Variants in RXFP2 observed in about 807,000 individuals in gnomAD.
The protein encoded by RXFP2 is relaxin receptor 2.
Under a neutral mutation model 88.6 loss-of-function variants are expected in RXFP2, and 68 were observed. That is an observed-to-expected ratio of 0.77 (90% CI 0.63 to 0.94). The LOEUF (loss-of-function observed/expected upper bound fraction) is 0.94, where lower values mean the gene tolerates loss of function less well. Ranked by LOEUF, RXFP2 falls within the 40% of genes least tolerant of loss-of-function variation. RXFP2 has a pLI of 0.00. For missense variants in RXFP2, 791 were observed against 893.9 expected (o/e 0.88, Z 1.47); for synonymous variants, 329 against 306.8 (o/e 1.07, Z -0.76).
Position 31,781,677 on chromosome 13 carries a change from G to A in RXFP2, c.792G>A (p.Leu264=), listed in dbSNP as rs150072413. 1,596 of 1,608,992 alleles carry A rather than the reference G, an allele frequency of 9.9e-4. 1 individual carries two copies. Among genetic ancestry groups the A allele is most frequent in the Admixed American group, 1.3e-3 (76 of 59,926 alleles). Reference sequence around the variant, plus strand: ...TTTCCTCCATGACTTCCAGGGATTTGGAAGGCAATAGAATAAAGTATCTCA... The same window carrying A: ...TTTCCTCCATGACTTCCAGGGATTTAGAAGGCAATAGAATAAAGTATCTCA... The part of the protein sequence containing the change: ...AQMPQLNWVD[L]EGNRIKYLTN... The change falls in exon 10 of 18, where the codon TTG becomes TTA. Residue 264 remains leucine (L), a synonymous_variant. Coordinates refer to ENST00000298386, the MANE Select transcript of RXFP2 (RefSeq NM_130806.5).
intron 9 of RXFP2, 116 bp downstream of exon 9, chr13:31,778,699 C>G: frequency 1.2e-6 from 1 of 828,178 alleles, no homozygotes; most frequent in South Asian, 1.3e-5. Flanking sequence ...AAATCAAAAT[C>G]TGATCATATT....
rs1298791143 is a variant in RXFP2 at position 31,776,100 on chromosome 13, T to C, written c.641+711T>C. Among the ~76,000 whole-genome samples, 398 of 59,692 alleles carry C rather than the reference T, an allele frequency of 6.7e-3. 5 individuals carry two copies. The highest frequency in any genetic ancestry group is 0.022 in the African/African-American group (335 of 15,204). 39.2% of individuals were successfully genotyped at this position (59,692 alleles called of 152,430 possible). A position where few individuals can be genotyped will look rare whatever the true frequency, so the allele number is the denominator to read the frequency against. On this transcript the variant is annotated intron_variant, in intron 7 of 17. Transcript: ENST00000298386. ...TCTTTCCTTCCTTCTTTCTTTCTTT[T>C]CTTTTCTTTCTTTCTTTCTTTCTTT...
At chr13:31,776,588 C>T (rs1372861836) in intron 7 of RXFP2, among the ~76,000 whole-genome samples, 1 of 152,062 alleles carries the variant, frequency 6.6e-6, no homozygotes, top group Non-Finnish European at 1.5e-5. Context: ...TCCTAGACCT[C>T]TTTATTTTCA....
At chr13:31,782,571 A>G in intron 10 of RXFP2, 105 bp from the exon 11 acceptor site, 1 of 857,354 alleles carries the variant, frequency 1.2e-6, no homozygotes, top group Admixed American at 1.7e-5. Flanking sequence ...TGAAGACTTC[A>G]AAGGAGGCTT....
intron 17 of RXFP2, among the ~76,000 whole-genome samples, chr13:31,801,609 C>T (rs1333159613): frequency 6.6e-6 from 1 of 152,152 alleles, no homozygotes; most frequent in Non-Finnish European, 1.5e-5. Flanking sequence ...ATTTGTAGGG[C>T]TGCACACAAG....
At chr13:31,755,890 A>G (rs1408529590) in intron 1 of RXFP2, among the ~76,000 whole-genome samples, 1 of 152,150 alleles carries the variant, frequency 6.6e-6, no homozygotes, top group Admixed American at 6.5e-5. Context: ...AAGCATCCAA[A>G]AGCCACGCTC....
At chr13:31,740,962 C>T (rs1871206476) in intron 1 of RXFP2, among the ~76,000 whole-genome samples, 2 of 151,996 alleles carry the variant, frequency 1.3e-5, no homozygotes, top group South Asian at 2.1e-4. Context: ...TATACAGCTA[C>T]AAAGCAGGTT....
chr13:31,764,225 C>T (rs1346289180), intron 3 of RXFP2, among the ~76,000 whole-genome samples: 2 of 146,166 alleles, frequency 1.4e-5, no homozygotes, highest in African/African-American at 2.5e-5. Context: ...CCTCTGCCCT[C>T]GTCTGTCTCT....
chr13:31,753,118 A>G (rs1157105724), intron 1 of RXFP2, among the ~76,000 whole-genome samples: 1 of 152,182 alleles, frequency 6.6e-6, no homozygotes, highest in Non-Finnish European at 1.5e-5. Flanking sequence ...GAGCCAGAAC[A>G]TCTGGCTGAG....
In RXFP2 at chr13:31,791,886, T is replaced by C; in HGVS notation, c.1226T>C (p.Phe409Ser). ...CMPLTDGISS[F>S]EDLLANNILR... ...CCCTTGACGGACGGCATTTCTTCAT[T>C]TGAGGACCTCTTGGCTAACAATATC... The change falls in exon 15 of 18, where the codon TTT becomes TCT. Residue 409 changes from phenylalanine to serine, a missense_variant. Transcript: ENST00000298386. The C allele has an allele frequency of 1.9e-6, 3 of 1,614,194 alleles. No individual in the cohort carries two copies. Among genetic ancestry groups the C allele is most frequent in the Non-Finnish European group, 2.5e-6 (3 of 1,180,014 alleles).
intron 1 of RXFP2, among the ~76,000 whole-genome samples, chr13:31,744,548 T>A (rs1056851984): frequency 2.0e-5 from 3 of 152,210 alleles, no homozygotes; most frequent in African/African-American, 7.2e-5. Context: ...CCTCTACAGA[T>A]CACCAACTGT....
chr13:31,751,762 C>G (rs960880233), intron 1 of RXFP2, among the ~76,000 whole-genome samples: 1 of 152,162 alleles, frequency 6.6e-6, no homozygotes, highest in Non-Finnish European at 1.5e-5. Context: ...ATCGGGCTTC[C>G]CCTTGCCTGT....
At chr13:31,756,402 G>A (rs1159609829) in intron 1 of RXFP2, among the ~76,000 whole-genome samples, 1 of 152,156 alleles carries the variant, frequency 6.6e-6, no homozygotes, top group Non-Finnish European at 1.5e-5. Flanking sequence ...CAAAGTAGAT[G>A]ATGTTCCTAC....
At chr13:31,791,617 C>G (rs528426208) in intron 14 of RXFP2, among the ~76,000 whole-genome samples, 189 bp from the exon 15 acceptor site, 1 of 152,266 alleles carries the variant, frequency 6.6e-6, no homozygotes, top group South Asian at 2.1e-4. Context: ...TCTTTAGGTT[C>G]CTCATCTTTA....
intron 1 of RXFP2, among the ~76,000 whole-genome samples, chr13:31,756,213 T>C (rs555792028): frequency 6.6e-6 from 1 of 152,318 alleles, no homozygotes; most frequent in East Asian, 1.9e-4. Context: ...CCTGAGGGGC[T>C]TCTCTACAAG....
At chr13:31,768,308 C>A (rs1024191218) in intron 5 of RXFP2, among the ~76,000 whole-genome samples, 2 of 152,174 alleles carry the variant, frequency 1.3e-5, no homozygotes, top group Non-Finnish European at 2.9e-5. Flanking sequence ...AGACTCTCAT[C>A]AATAAACATT....
At chr13:31,783,218 A>G (rs1873370548) in intron 11 of RXFP2, among the ~76,000 whole-genome samples, 1 of 152,218 alleles carries the variant, frequency 6.6e-6, no homozygotes, top group South Asian at 2.1e-4. Flanking sequence ...AATGCTGAGA[A>G]TGAGGGTTAG....
chr13:31,759,580 G>A (rs1872201816), intron 2 of RXFP2, among the ~76,000 whole-genome samples: 1 of 151,950 alleles, frequency 6.6e-6, no homozygotes, highest in Non-Finnish European at 1.5e-5. Context: ...GTATACACAT[G>A]GAATGAAGGG....
chr13:31,763,897 TATA>T (rs1872420796), intron 3 of RXFP2, among the ~76,000 whole-genome samples: 1 of 152,212 alleles, frequency 6.6e-6, no homozygotes, highest in Non-Finnish European at 1.5e-5. Flanking sequence ...CTAATTAACA[TATA>T]TGTATAGACA....
Sources: allele counts gnomAD v4.1 joint callset (sites outside exome capture counted in the v4.1 genomes callset), GRCh38; gene constraint gnomAD v4.1.1; transcripts MANE v1.5; gene names NCBI Gene and HGNC (gene_info 2026-07-23, HGNC 2026-07-21).